Variants in CNTN4 observed in about 807,000 individuals in gnomAD.
CNTN4 encodes contactin-4.
CNTN4 carries 77 observed loss-of-function variants against 122.5 expected under a neutral mutation model. The observed-to-expected ratio is 0.63, with a 90% confidence interval of 0.52 to 0.76. The LOEUF (loss-of-function observed/expected upper bound fraction) is 0.76. Among genes scored for constraint, CNTN4 ranks in the 30% least tolerant of loss-of-function variants. CNTN4 has a pLI of 0.00. For synonymous variants in CNTN4, 512 were observed against 447.0 expected, an observed-to-expected ratio of 1.15 and a Z score of -1.83; for missense variants, 1,256 against 1,259.1, an observed-to-expected ratio of 1.00 and a Z score of 0.04.
At chr3:2,127,540 T>A (rs936312168) in intron 2 of CNTN4, among the ~76,000 whole-genome samples, 6 of 151,896 alleles carry the variant, frequency 4.0e-5, no homozygotes, top group African/African-American at 1.2e-4. Context: ...TTGATTGTTT[T>A]AAAAAAAATC....
intron 3 of CNTN4, among the ~76,000 whole-genome samples, chr3:2,552,599 G>A (rs962153778): frequency 2.0e-4 from 30 of 152,154 alleles, no homozygotes; most frequent in Admixed American, 5.2e-4. Context: ...GCACAGAAAA[G>A]GTGATTTATT....
At chr3:2,553,690 G>C (rs1053626807) in intron 3 of CNTN4, among the ~76,000 whole-genome samples, 1 of 152,108 alleles carries the variant, frequency 6.6e-6, no homozygotes, top group Admixed American at 6.6e-5. Context: ...AAGAGAAAAG[G>C]ATATGAACAC....
At chr3:2,354,560 TAAGTG>T (rs761030042) in intron 3 of CNTN4, among the ~76,000 whole-genome samples, 1 of 152,046 alleles carries the variant, frequency 6.6e-6, no homozygotes, top group Non-Finnish European at 1.5e-5. Flanking sequence ...TTTTGAACCT[TAAGTG>T]AAAGGAGTTA....
chr3:2,468,502 T>C (rs895713913), intron 3 of CNTN4, among the ~76,000 whole-genome samples: 18 of 152,284 alleles, frequency 1.2e-4, no homozygotes. Context: ...ATTTCAGAAA[T>C]GCAGAGTCTT....
At chr3:2,931,756 G>T (rs1305346404) in intron 13 of CNTN4, among the ~76,000 whole-genome samples, 1 of 152,124 alleles carries the variant, frequency 6.6e-6, no homozygotes, top group African/African-American at 2.4e-5. Context: ...AGCCCCCTGA[G>T]AAGCTGTGAT....
intron 13 of CNTN4, among the ~76,000 whole-genome samples, chr3:2,940,119 G>A (rs1280240861): frequency 6.6e-6 from 1 of 152,224 alleles, no homozygotes; most frequent in African/African-American, 2.4e-5. Flanking sequence ...TAATAAGGGT[G>A]TGGGAGGTTC....
intron 3 of CNTN4, among the ~76,000 whole-genome samples, chr3:2,380,990 G>C (rs1183138778): frequency 1.3e-5 from 2 of 150,622 alleles, no homozygotes; most frequent in Admixed American, 1.3e-4. Flanking sequence ...CCCTTCTTTT[G>C]TTTTGTTTTG....
chr3:2,247,640 C>G lies in CNTN4; in HGVS notation c.-144-91538C>G, dbSNP rs147465630. On this transcript the variant is annotated intron_variant, in intron 2 of 24. Transcript: ENST00000418658. ...GACTGTATTCTTGATGATAAAATGGCTCTAAAACTGAGCTATGGGGCAAAT... is the reference window on the plus strand; with the variant it reads ...GACTGTATTCTTGATGATAAAATGGGTCTAAAACTGAGCTATGGGGCAAAT... Among the ~76,000 whole-genome samples the G allele has an allele frequency of 3.8e-3, 570 of 151,970 alleles. 3 individuals carry two copies. Among genetic ancestry groups the G allele is most frequent in the African/African-American group, 0.013 (541 of 41,482 alleles).
chr3:2,537,136 G>A (rs2077842972), intron 3 of CNTN4, among the ~76,000 whole-genome samples: 1 of 152,028 alleles, frequency 6.6e-6, no homozygotes, highest in South Asian at 2.1e-4. Flanking sequence ...TTATGCACAT[G>A]CGTTCTATAA....
chr3:2,194,227 G>A (rs1029491220), intron 2 of CNTN4, among the ~76,000 whole-genome samples: 4 of 152,210 alleles, frequency 2.6e-5, no homozygotes, highest in Middle Eastern at 3.4e-3. Flanking sequence ...ACTTTGGGAG[G>A]CTGAGGCAGG....
intron 3 of CNTN4, among the ~76,000 whole-genome samples, chr3:2,383,028 T>C (rs563196245): frequency 6.6e-6 from 1 of 151,978 alleles, no homozygotes; most frequent in African/African-American, 2.4e-5. Context: ...TGAGCCGAGA[T>C]TGTGCCACTG....
intron 3 of CNTN4, among the ~76,000 whole-genome samples, chr3:2,371,813 A>G (rs35514220): frequency 0.062 from 9,369 of 152,282 alleles, 318 homozygotes; most frequent in African/African-American, 0.079. Flanking sequence ...TCAAAGCTAA[A>G]TTGAAGCTGA....
chr3:3,024,599 C>G (rs1303193933), intron 14 of CNTN4, among the ~76,000 whole-genome samples: 1 of 152,004 alleles, frequency 6.6e-6, no homozygotes, highest in Non-Finnish European at 1.5e-5. Context: ...GCACATTAAT[C>G]TACTTATCAT....
intron 2 of CNTN4, among the ~76,000 whole-genome samples, chr3:2,169,499 CG>C (rs1317807471): frequency 1.3e-5 from 2 of 151,680 alleles, no homozygotes; most frequent in African/African-American, 2.4e-5. Flanking sequence ...CTCCGCCTCC[CG>C]GGTTCCCGCC....
At chr3:2,916,105 CAAAAGTG>C (rs2094350618) in intron 12 of CNTN4, among the ~76,000 whole-genome samples, 1 of 152,142 alleles carries the variant, frequency 6.6e-6, no homozygotes, top group African/African-American at 2.4e-5. Flanking sequence ...ATGAGTTGCA[CAAAAGTG>C]TGCATATAGT....
intron 3 of CNTN4, among the ~76,000 whole-genome samples, chr3:2,373,686 C>T (rs76837348): frequency 5.3e-5 from 8 of 152,056 alleles, no homozygotes; most frequent in South Asian, 2.1e-4. Flanking sequence ...TCAATAACAT[C>T]GGCGCCTAAA....
At chr3:2,879,534 C>T in intron 8 of CNTN4, among the ~76,000 whole-genome samples, 1 of 152,258 alleles carries the variant, frequency 6.6e-6, no homozygotes, top group Non-Finnish European at 1.5e-5. Context: ...CTACTGGTAC[C>T]TGTTACAACA....
chr3:2,234,485 A>T (rs2149566858), intron 2 of CNTN4, among the ~76,000 whole-genome samples: 1 of 151,780 alleles, frequency 6.6e-6, no homozygotes, highest in East Asian at 1.9e-4. Context: ...AGAGCTACTT[A>T]TCTGATTTGA....
At chr3:2,769,464 C>CA (rs71058643) in intron 6 of CNTN4, among the ~76,000 whole-genome samples, 110,678 of 136,908 alleles carry the variant, frequency 0.81, 44,655 homozygotes, top group Middle Eastern at 0.89. Flanking sequence ...GACTCTGTCT[C>CA]AAAAAAAAAA....
Sources: allele counts gnomAD v4.1 joint callset (sites outside exome capture counted in the v4.1 genomes callset), GRCh38; gene constraint gnomAD v4.1.1; transcripts MANE v1.5; gene names NCBI Gene and HGNC (gene_info 2026-07-23, HGNC 2026-07-21).